Variants in RHOQ observed in about 807,000 individuals in gnomAD.
The protein encoded by RHOQ is rho-related GTP-binding protein RhoQ.
Under a neutral mutation model 25.8 loss-of-function variants are expected in RHOQ, and 7 were observed. The ratio of observed to expected loss-of-function variants is 0.27; its 90% CI spans 0.15 to 0.51. The LOEUF (loss-of-function observed/expected upper bound fraction) is 0.51, where lower values mean the gene tolerates loss of function less well. Ranked by LOEUF, RHOQ falls within the 20% of genes least tolerant of loss-of-function variation. RHOQ has a pLI of 0.97. For missense variants in RHOQ, 165 were observed against 260.6 expected, an observed-to-expected ratio of 0.63 and a Z score of 2.53; for synonymous variants, 97 against 98.6, an observed-to-expected ratio of 0.98 and a Z score of 0.10.
chr2:46,547,804 C>G (rs1366796602), intron 2 of RHOQ, among the ~76,000 whole-genome samples: 1 of 152,204 alleles, frequency 6.6e-6, no homozygotes, highest in Non-Finnish European at 1.5e-5. Flanking sequence ...TGGGATTTTC[C>G]CTCCTGCTAC....
rs997908018 is a variant in RHOQ, at chr2:46,576,712, T to C, written c.462+56T>C. ...AATGTAAAAGATGCTAAGATAACAATAGAAGCTAATTTTATTGTGTATTTA... is the reference window on the plus strand; with the variant it reads ...AATGTAAAAGATGCTAAGATAACAACAGAAGCTAATTTTATTGTGTATTTA... On this transcript the variant is annotated intron_variant, in intron 4 of 4. Coordinates refer to ENST00000238738, the MANE Select transcript of RHOQ (RefSeq NM_012249.4). The surrounding 1 kb of genome is among the most constrained non-coding windows in gnomAD (Gnocchi z 5.1). 1.7e-6 allele frequency: 2 copies of C among 1,186,764 alleles called. No individual in the cohort carries two copies. Among genetic ancestry groups the C allele is most frequent in the African/African-American group, 3.1e-5 (2 of 65,316 alleles). The allele number at this position is 1,186,764 out of a possible 1,614,324, so 73.5% of individuals were successfully genotyped here.
At chr2:46,558,792 CCTTT>C (rs773885534) in intron 2 of RHOQ, among the ~76,000 whole-genome samples, 2 of 152,178 alleles carry the variant, frequency 1.3e-5, no homozygotes, top group Non-Finnish European at 2.9e-5. Flanking sequence ...TCTTACATTT[CCTTT>C]CTGTCTTTTT....
intron 2 of RHOQ, among the ~76,000 whole-genome samples, chr2:46,549,029 C>T (rs923664979): frequency 6.6e-6 from 1 of 152,158 alleles, no homozygotes; most frequent in African/African-American, 2.4e-5. Context: ...CACCAGCTCT[C>T]GTTGGTCTAC....
At chr2:46,543,854 C>G in intron 2 of RHOQ, 42 bp downstream of exon 2, 1 of 1,582,522 alleles carries the variant, frequency 6.3e-7, no homozygotes, top group Non-Finnish European at 8.7e-7. Flanking sequence ...CTCCTGTTCC[C>G]CAGTTCTTTG....
chr2:46,560,405 G>A, intron 2 of RHOQ: 1 of 337,004 alleles, frequency 3.0e-6, no homozygotes, highest in South Asian at 2.3e-5. Flanking sequence ...GGACTTAACT[G>A]AAGTCTTCTC....
Position 46,545,820 on chromosome 2 carries a change from G to C in RHOQ, c.201+2008G>C, listed in dbSNP as rs368507092. Among the ~76,000 whole-genome samples the C allele has an allele frequency of 2.6e-5, 4 of 152,268 alleles. No individual in the cohort carries two copies. In the East Asian group the frequency reaches 7.7e-4, roughly 29 times the overall value. ...GGTGTTGGATGGCACCTCTACAGAG[G>C]AGAGAACTTAGATCCAGAGTCACTT... On this transcript the variant is annotated intron_variant, in intron 2 of 4. Transcript: ENST00000238738.
chr2:46,554,054 A>C (rs1184082609), intron 2 of RHOQ, among the ~76,000 whole-genome samples: 8 of 151,212 alleles, frequency 5.3e-5, no homozygotes, highest in Admixed American at 5.3e-4. Flanking sequence ...TTGCTGGCTT[A>C]TTTTACTTAA....
rs951222002 is a variant in RHOQ at position 46,576,397 on chromosome 2, G to GA, written c.366+152dup. 1 of 945,732 alleles carries GA rather than the reference G, an allele frequency of 1.1e-6. No individual in the cohort carries two copies. The highest frequency in any genetic ancestry group is 1.8e-5 in the South Asian group (1 of 56,092). 58.6% of individuals were successfully genotyped at this position (945,732 alleles called of 1,614,324 possible). A position where few individuals can be genotyped will look rare whatever the true frequency, so the allele number is the denominator to read the frequency against. On this transcript the variant is annotated intron_variant, in intron 3 of 4. Coordinates refer to ENST00000238738, the MANE Select transcript of RHOQ (RefSeq NM_012249.4). This position sits in a 1 kb window ranked among gnomAD's most constrained non-coding sequence, Gnocchi z 5.1. ...GTTAATGAGTTCTATCATATTTTTG[G>GA]AAAAAATTGTGCCAAAAGAAAGCAA...
intron 4 of RHOQ, among the ~76,000 whole-genome samples, chr2:46,578,416 T>C (rs1323963199): frequency 2.0e-5 from 3 of 151,524 alleles, no homozygotes; most frequent in Non-Finnish European, 2.9e-5. Flanking sequence ...GAGATAACAC[T>C]GCACAACATG....
intron 2 of RHOQ, among the ~76,000 whole-genome samples, chr2:46,554,525 A>G (rs1051061716): frequency 2.6e-5 from 4 of 152,200 alleles, no homozygotes; most frequent in Non-Finnish European, 4.4e-5. Context: ...CTGGGTGGTG[A>G]CAGACCCTGT....
At chr2:46,546,479 T>TACAC (rs1167080497) in intron 2 of RHOQ, among the ~76,000 whole-genome samples, 5 of 20,114 alleles carry the variant, frequency 2.5e-4, no homozygotes, top group African/African-American at 9.0e-4. Flanking sequence ...TATATGTGTA[T>TACAC]ATATATATAT....
chr2:46,570,013 G>A (rs1173802104), intron 2 of RHOQ, among the ~76,000 whole-genome samples: 1 of 152,118 alleles, frequency 6.6e-6, no homozygotes, highest in Non-Finnish European at 1.5e-5. Flanking sequence ...ACTTACCAAA[G>A]TGTTTTCAAA....
intron 2 of RHOQ, among the ~76,000 whole-genome samples, chr2:46,561,103 T>A (rs1668563418): frequency 2.2e-5 from 3 of 135,976 alleles, no homozygotes; most frequent in Non-Finnish European, 5.2e-5. Context: ...TATACAGGTA[T>A]GTGTGTGTGC....
chr2:46,577,332 G>T (rs1460679690), intron 4 of RHOQ, among the ~76,000 whole-genome samples: 1 of 150,776 alleles, frequency 6.6e-6, no homozygotes, highest in African/African-American at 2.4e-5. Flanking sequence ...AACATTATTG[G>T]ATTCTATTTT....
chr2:46,556,477 A>C lies in RHOQ; in HGVS notation c.201+12665A>C, dbSNP rs1163738339. The stretch of plus-strand genomic sequence containing the variant: ...CCTTCTGATATTCTTTTTCTTAAAA[A>C]ATTTTTTTAATTTTTTTTTTTTTGT... On this transcript the variant is annotated intron_variant, in intron 2 of 4. Coordinates refer to ENST00000238738, the MANE Select transcript of RHOQ (RefSeq NM_012249.4). This position sits in a 1 kb window ranked among gnomAD's most constrained non-coding sequence, Gnocchi z 4.9. Among the ~76,000 whole-genome samples, 2 of 112,530 alleles carry C rather than the reference A, an allele frequency of 1.8e-5. No individual in the cohort carries two copies. The highest frequency in any genetic ancestry group is 3.8e-5 in the Non-Finnish European group (2 of 52,506). 73.8% of individuals were successfully genotyped at this position (112,530 alleles called of 152,430 possible).
At chr2:46,571,270 G>GT (rs1411511271) in intron 2 of RHOQ, among the ~76,000 whole-genome samples, 1 of 152,166 alleles carries the variant, frequency 6.6e-6, no homozygotes, top group Non-Finnish European at 1.5e-5. Flanking sequence ...GCATTTGTGT[G>GT]TATCTCCTCA....
In RHOQ at chr2:46,576,021, A is replaced by C. The variant is rs1572756560; in HGVS notation, c.202-66A>C. 7.3e-7 allele frequency: 1 copy of C among 1,370,078 alleles called. No homozygotes were observed. Among genetic ancestry groups the C allele is most frequent in the Non-Finnish European group, 9.9e-7 (1 of 1,010,500 alleles). The allele number at this position is 1,370,078 out of a possible 1,614,324, so 84.9% of individuals were successfully genotyped here. ...ATTTGCATCTTTGACCATGTAATCT[A>C]ATGTACATATTACTAGTAAACAATA... is the stretch of plus-strand genomic sequence containing the variant. On this transcript the variant is annotated intron_variant, in intron 2 of 4. Coordinates refer to ENST00000238738, the MANE Select transcript of RHOQ (RefSeq NM_012249.4). This position sits in a 1 kb window ranked among gnomAD's most constrained non-coding sequence, Gnocchi z 5.1.
chr2:46,546,612 C>T (rs1438830637), intron 2 of RHOQ, among the ~76,000 whole-genome samples: 1 of 146,782 alleles, frequency 6.8e-6, no homozygotes, highest in Non-Finnish European at 1.5e-5. Flanking sequence ...CAGATCTCCA[C>T]CTTAGCTAGT....
rs202073909 is a variant in RHOQ at position 46,580,950 on chromosome 2, A to G, written c.485A>G (p.Glu162Gly). The change falls in exon 5 of 5, where the codon GAA (glutamate) becomes GGA (glycine). Residue 162 changes from glutamate to glycine, a missense_variant. Physicochemically the swap from Glu to Gly is moderately conservative, Grantham distance 98. Transcript: ENST00000238738. ...AKEIGACCYVECSALTQKGLK... is the reference protein window; with the variant it reads ...AKEIGACCYVGCSALTQKGLK... ...CAGATAGGAGCATGCTGCTATGTGG[A>G]ATGTTCAGCTTTAACCCAGAAGGGA... 1 of 1,529,720 alleles carries G rather than the reference A, an allele frequency of 6.5e-7. No individual in the cohort carries two copies. Among genetic ancestry groups the G allele is most frequent in the Non-Finnish European group, 8.7e-7 (1 of 1,144,614 alleles). The allele number at this position is 1,529,720 out of a possible 1,614,324, so 94.8% of individuals were successfully genotyped here. A position where few individuals can be genotyped will look rare whatever the true frequency, so the allele number is the denominator to read the frequency against.
Sources: gnomAD v4.1 joint callset for allele counts (sites outside exome capture counted in the v4.1 genomes callset) on GRCh38, gnomAD v4.1.1 for gene constraint, Gnocchi (gnomAD v3.1) non-coding constraint, MANE v1.5 for transcripts, NCBI Gene and HGNC (gene_info 2026-07-23, HGNC 2026-07-21) for gene names.